CSMD1: variants seen among roughly 807,000 people sequenced by gnomAD.
CSMD1 encodes the protein CUB and sushi domain-containing protein 1.
A neutral mutation model predicts 417.5 loss-of-function variants in CSMD1; 213 were observed. The ratio of observed to expected loss-of-function variants is 0.51; its 90% CI spans 0.46 to 0.57. The LOEUF (loss-of-function observed/expected upper bound fraction) is 0.57, where lower values mean the gene tolerates loss of function less well. CSMD1 is among the 20% of genes least tolerant of loss of function. The pLI, the probability that CSMD1 is intolerant of heterozygous loss-of-function variation, is 0.00. For synonymous variants in CSMD1, 2,862 were observed against 1,736.8 expected (o/e 1.65, Z -16.11); for missense variants, 6,923 against 4,529.7 (o/e 1.53, Z -15.17).
intron 5 of CSMD1, among the ~76,000 whole-genome samples, chr8:3,962,076 A>G (rs190325211): frequency 6.6e-6 from 1 of 152,304 alleles, no homozygotes; most frequent in East Asian, 1.9e-4. Flanking sequence ...TCATTCTCAG[A>G]GATAACTTGA....
At chr8:2,946,998 G>C (rs929522164) in intron 68 of CSMD1, among the ~76,000 whole-genome samples, 3 of 152,104 alleles carry the variant, frequency 2.0e-5, no homozygotes, top group Admixed American at 1.3e-4. Context: ...CTTTTCATGG[G>C]CTTATCGCCA....
At chr8:2,941,035 A>G (rs2128912724) in intron 69 of CSMD1, among the ~76,000 whole-genome samples, 1 of 152,340 alleles carries the variant, frequency 6.6e-6, no homozygotes, top group South Asian at 2.1e-4. Context: ...TACATTTACT[A>G]AATTTTAAAT....
At chr8:4,509,741 G>T (rs746848489) in intron 2 of CSMD1, among the ~76,000 whole-genome samples, 1 of 152,046 alleles carries the variant, frequency 6.6e-6, no homozygotes. Flanking sequence ...CTTTACATGT[G>T]ATGATTTACT....
chr8:3,721,327 T>C lies in CSMD1; in HGVS notation c.932-12836A>G, dbSNP rs761914746. Among the ~76,000 whole-genome samples the C allele has an allele frequency of 2.6e-4, 40 of 152,180 alleles. 1 individual carries two copies. Among genetic ancestry groups the C allele is most frequent in the Non-Finnish European group, 1.5e-5 (1 of 68,034 alleles). The stretch of plus-strand genomic sequence containing the variant: ...ATTCGGGTGTGTAAGTGAGTGTGTG[T>C]GGCTGTGGATTTTTACTAGTGACGG... On this transcript the variant is annotated intron_variant, in intron 6 of 69. Coordinates refer to ENST00000635120, the MANE Select transcript of CSMD1 (RefSeq NM_033225.6).
intron 48 of CSMD1, 52 bp from the exon 49 acceptor site, chr8:3,087,337 C>T: frequency 6.4e-7 from 1 of 1,557,004 alleles, no homozygotes; most frequent in Non-Finnish European, 8.8e-7. Flanking sequence ...AACAAATGGC[C>T]AGTGCCATTG....
chr8:3,873,513 G>T (rs62482704), intron 5 of CSMD1, among the ~76,000 whole-genome samples: 3 of 151,822 alleles, frequency 2.0e-5, no homozygotes, highest in Non-Finnish European at 2.9e-5. Flanking sequence ...TAAGAACACA[G>T]GGACACATAA....
chr8:4,040,478 C>T (rs1374872325), intron 3 of CSMD1, among the ~76,000 whole-genome samples: 1 of 152,146 alleles, frequency 6.6e-6, no homozygotes, highest in Admixed American at 6.5e-5. Flanking sequence ...AGAATCTCTA[C>T]TTGCAAGCAT....
At chr8:3,295,604 G>A (rs6558757) in intron 25 of CSMD1, among the ~76,000 whole-genome samples, 3 of 152,140 alleles carry the variant, frequency 2.0e-5, no homozygotes, top group Non-Finnish European at 4.4e-5. Flanking sequence ...CTGTACTGAT[G>A]CAAGGATCTT....
intron 25 of CSMD1, among the ~76,000 whole-genome samples, chr8:3,304,753 TG>T (rs1258866565): frequency 4.6e-5 from 7 of 152,088 alleles, no homozygotes; most frequent in Non-Finnish European, 1.0e-4. Context: ...TTTATTAAAA[TG>T]TTAACAAAGT....
chr8:3,640,977 G>A (rs1042262214), intron 7 of CSMD1, among the ~76,000 whole-genome samples: 1 of 144,842 alleles, frequency 6.9e-6, no homozygotes, highest in Non-Finnish European at 1.5e-5. Context: ...ATAAGCTTTA[G>A]AAAATATACC....
chr8:4,179,151 G>C (rs1040510951), intron 3 of CSMD1, among the ~76,000 whole-genome samples: 1 of 152,126 alleles, frequency 6.6e-6, no homozygotes, highest in African/African-American at 2.4e-5. Flanking sequence ...GAAAGCTGGA[G>C]GCATCACACT....
intron 10 of CSMD1, among the ~76,000 whole-genome samples, chr8:3,547,578 T>C (rs898655565): frequency 6.6e-6 from 1 of 152,232 alleles, no homozygotes; most frequent in Non-Finnish European, 1.5e-5. Context: ...GGCTTTATTT[T>C]TATTTACATT....
intron 3 of CSMD1, among the ~76,000 whole-genome samples, chr8:4,409,121 T>C (rs192161583): frequency 1.1e-3 from 164 of 152,296 alleles, no homozygotes; most frequent in African/African-American, 3.7e-3. Flanking sequence ...CATATGGCTA[T>C]AAATTATATT....
chr8:4,273,259 T>G (rs1804714822), intron 3 of CSMD1, among the ~76,000 whole-genome samples: 1 of 152,134 alleles, frequency 6.6e-6, no homozygotes. Context: ...AATGAGCATA[T>G]TTGTATTAGT....
intron 3 of CSMD1, among the ~76,000 whole-genome samples, chr8:4,364,163 T>C (rs1379961025): frequency 6.6e-6 from 1 of 152,176 alleles, no homozygotes; most frequent in Non-Finnish European, 1.5e-5. Context: ...ACTTCATAAA[T>C]ATATATACCT....
At chr8:4,362,738 A>T (rs1801844509) in intron 3 of CSMD1, among the ~76,000 whole-genome samples, 1 of 152,196 alleles carries the variant, frequency 6.6e-6, no homozygotes, top group African/African-American at 2.4e-5. Flanking sequence ...ATTGTTGTGT[A>T]ATCAGTTTTT....
chr8:4,046,175 T>C (rs951211798), intron 3 of CSMD1, among the ~76,000 whole-genome samples: 5 of 152,146 alleles, frequency 3.3e-5, no homozygotes, highest in Non-Finnish European at 7.4e-5. Flanking sequence ...ACACAATTTA[T>C]ATGTGTATGT....
intron 10 of CSMD1, among the ~76,000 whole-genome samples, chr8:3,543,757 T>C (rs570313173): frequency 6.6e-6 from 1 of 152,330 alleles, no homozygotes; most frequent in African/African-American, 2.4e-5. Context: ...GTTGGACACT[T>C]AGTGGAGATG....
chr8:4,454,877 G>T (rs550231267), intron 2 of CSMD1, among the ~76,000 whole-genome samples: 1 of 152,178 alleles, frequency 6.6e-6, no homozygotes, highest in South Asian at 2.1e-4. Flanking sequence ...TAATCTAAAT[G>T]GCGTCCTGTG....
Sources: gnomAD v4.1 joint callset for allele counts (sites outside exome capture counted in the v4.1 genomes callset) on GRCh38, gnomAD v4.1.1 for gene constraint, MANE v1.5 for transcripts, NCBI Gene and HGNC (gene_info 2026-07-23, HGNC 2026-07-21) for gene names.